Variants in PTPRD observed in about 807,000 individuals in gnomAD.
The protein encoded by PTPRD is protein tyrosine phosphatase receptor type D, also known as receptor-type tyrosine-protein phosphatase delta.
A neutral mutation model predicts 214.5 loss-of-function variants in PTPRD; 34 were observed. The ratio of observed to expected loss-of-function variants is 0.16; its 90% CI spans 0.12 to 0.21. PTPRD has a LOEUF of 0.21. Among genes scored for constraint, PTPRD ranks in the 10% least tolerant of loss-of-function variants. PTPRD has a pLI of 1.00. For synonymous variants in PTPRD, 1,128 were observed against 845.7 expected (o/e 1.33, Z -5.79); for missense variants, 2,545 against 2,398.7 (o/e 1.06, Z -1.27).
chr9:8,404,796 G>A (rs1156597251), intron 35 of PTPRD, 136 bp from the exon 36 acceptor site: 1 of 1,089,620 alleles, frequency 9.2e-7, no homozygotes, highest in Non-Finnish European at 1.3e-6. Context: ...TCCTAACTGT[G>A]AAGCTGAACA....
intron 2 of PTPRD, among the ~76,000 whole-genome samples, chr9:10,379,739 C>T (rs1489905952): frequency 6.6e-6 from 1 of 151,960 alleles, no homozygotes; most frequent in African/African-American, 2.4e-5. Context: ...TTATGTCTTT[C>T]TAACTTATTT....
At chr9:9,843,060 G>C (rs1347865970) in intron 5 of PTPRD, among the ~76,000 whole-genome samples, 6 of 152,072 alleles carry the variant, frequency 3.9e-5, no homozygotes, top group Non-Finnish European at 5.9e-5. Flanking sequence ...GGTTTTATTG[G>C]AACACAGCTA....
At chr9:9,866,035 T>C (rs558714015) in intron 5 of PTPRD, among the ~76,000 whole-genome samples, 5 of 152,330 alleles carry the variant, frequency 3.3e-5, no homozygotes, top group Non-Finnish European at 5.9e-5. Flanking sequence ...CTCGTACACT[T>C]GCCTTCCTCT....
chr9:8,665,582 C>G (rs1194466703), intron 12 of PTPRD, among the ~76,000 whole-genome samples: 12 of 152,146 alleles, frequency 7.9e-5, no homozygotes, highest in Admixed American at 7.2e-4. Context: ...ATTCATTCTA[C>G]CCATCTAATC....
At chr9:8,618,190 C>G (rs912665261) in intron 14 of PTPRD, among the ~76,000 whole-genome samples, 1 of 152,034 alleles carries the variant, frequency 6.6e-6, no homozygotes, top group Non-Finnish European at 1.5e-5. Context: ...CTGTTTAAGA[C>G]AGACGCAAAA....
chr9:8,820,104 T>C (rs1374450678), intron 11 of PTPRD, among the ~76,000 whole-genome samples: 2 of 152,166 alleles, frequency 1.3e-5, no homozygotes, highest in African/African-American at 2.4e-5. Flanking sequence ...TATGTAACAA[T>C]AACATAGGAA....
intron 2 of PTPRD, among the ~76,000 whole-genome samples, chr9:10,611,479 G>A (rs1235201978): frequency 6.6e-6 from 1 of 152,134 alleles, no homozygotes; most frequent in East Asian, 1.9e-4. Flanking sequence ...ATTGGCAAAT[G>A]TTAGACTACA....
rs868841530 is a variant in PTPRD, at chr9:10,359,812, T to C, written c.-599-18795A>G. On this transcript the variant is annotated intron_variant, in intron 2 of 45. Transcript: ENST00000381196. ...TACTGTGATTTTTATCAATGCATTC[T>C]ATTCACTGAATGGATAATGATATGG... Among the ~76,000 whole-genome samples, 10 of 152,316 alleles carry C rather than the reference T, an allele frequency of 6.6e-5. No individual in the cohort carries two copies. The East Asian group carries it at 1.2e-3, about 18-fold the overall frequency.
At chr9:8,825,124 C>T (rs2082631) in intron 11 of PTPRD, among the ~76,000 whole-genome samples, 19,693 of 152,056 alleles carry the variant, frequency 0.13, 1,500 homozygotes, top group Middle Eastern at 0.19. Flanking sequence ...GGGTAAATTT[C>T]TTTCTTTTTG....
intron 9 of PTPRD, among the ~76,000 whole-genome samples, chr9:9,307,968 C>CA (rs1957663234): frequency 6.6e-6 from 1 of 152,090 alleles, no homozygotes; most frequent in Non-Finnish European, 1.5e-5. Context: ...TAATAGCAGA[C>CA]AAGCTATCCT....
intron 2 of PTPRD, among the ~76,000 whole-genome samples, chr9:10,378,416 T>C (rs2097767453): frequency 6.6e-6 from 1 of 152,038 alleles, no homozygotes; most frequent in Admixed American, 6.6e-5. Context: ...TTTTCCACAA[T>C]GTTTAATTGT....
intron 11 of PTPRD, among the ~76,000 whole-genome samples, chr9:8,915,055 G>C (rs542086891): frequency 2.6e-5 from 4 of 152,238 alleles, no homozygotes; most frequent in Non-Finnish European, 5.9e-5. Flanking sequence ...TGTGGTCAGT[G>C]CTAAGAAAGC....
At chr9:9,548,802 C>T (rs368713193) in intron 8 of PTPRD, among the ~76,000 whole-genome samples, 224 of 152,082 alleles carry the variant, frequency 1.5e-3, no homozygotes, top group African/African-American at 5.0e-3. Flanking sequence ...ATGGTCAATT[C>T]GGCAAGTAGA....
chr9:9,574,630 A>C (rs1747619989), intron 8 of PTPRD, 102 bp downstream of exon 8: 1 of 152,024 alleles, frequency 6.6e-6, no homozygotes. Context: ...GTTAAATATC[A>C]AATGACTTAT....
chr9:8,865,820 G>C (rs1386374405), intron 11 of PTPRD, among the ~76,000 whole-genome samples: 1 of 152,118 alleles, frequency 6.6e-6, no homozygotes, highest in Non-Finnish European at 1.5e-5. Flanking sequence ...TCAGAGTTAG[G>C]CCTCACTAAT....
chr9:10,489,110 T>C (rs1259149709), intron 2 of PTPRD, among the ~76,000 whole-genome samples: 1 of 152,114 alleles, frequency 6.6e-6, no homozygotes, highest in Non-Finnish European at 1.5e-5. Flanking sequence ...CCCAAAGCCC[T>C]TAACATAGTA....
intron 4 of PTPRD, among the ~76,000 whole-genome samples, chr9:9,955,818 G>A (rs771995727): frequency 3.3e-5 from 5 of 152,054 alleles, no homozygotes; most frequent in African/African-American, 4.8e-5. Context: ...CACCACGCCC[G>A]GCCTATTTGG....
intron 3 of PTPRD, among the ~76,000 whole-genome samples, chr9:10,265,010 C>A (rs2093960075): frequency 6.6e-6 from 1 of 152,178 alleles, no homozygotes; most frequent in South Asian, 2.1e-4. Flanking sequence ...ACATGGCCTT[C>A]ACCTTCCACC....
chr9:8,499,224 G>A (rs1474032304), intron 25 of PTPRD, among the ~76,000 whole-genome samples: 1 of 152,140 alleles, frequency 6.6e-6, no homozygotes, highest in Non-Finnish European at 1.5e-5. Context: ...CTATTCTTCA[G>A]TGGAAGAAGA....
Sources: allele counts gnomAD v4.1 joint callset (sites outside exome capture counted in the v4.1 genomes callset), GRCh38; gene constraint gnomAD v4.1.1; transcripts MANE v1.5; gene names NCBI Gene and HGNC (gene_info 2026-07-23, HGNC 2026-07-21).